CTNNA2: variants seen among roughly 807,000 people sequenced by gnomAD.
CTNNA2 encodes catenin alpha-2.
Under a neutral mutation model 101.0 loss-of-function variants are expected in CTNNA2, and 42 were observed. The observed-to-expected ratio is 0.42, with a 90% CI of 0.32 to 0.54. The LOEUF (loss-of-function observed/expected upper bound fraction) is 0.54. CTNNA2 is among the 20% of genes least tolerant of loss of function. The pLI is 0.14. For missense variants in CTNNA2, 871 were observed against 1,223.1 expected (o/e 0.71, Z 4.29); for synonymous variants, 450 against 456.4 (o/e 0.99, Z 0.18).
At chr2:79,244,624 C>G (rs141333329) in intron 2 of CTNNA2, among the ~76,000 whole-genome samples, 2 of 152,304 alleles carry the variant, frequency 1.3e-5, no homozygotes, top group East Asian at 3.9e-4. Context: ...AAACCCATCA[C>G]TTTTGATAGA....
intron 7 of CTNNA2, among the ~76,000 whole-genome samples, chr2:80,134,465 CA>C (rs1201025360): frequency 6.6e-6 from 1 of 152,104 alleles, no homozygotes; most frequent in Non-Finnish European, 1.5e-5. Context: ...GTAAACCTTC[CA>C]GGGGGGTTTG....
At chr2:79,255,958 C>A (rs1573001305) in intron 2 of CTNNA2, among the ~76,000 whole-genome samples, 1 of 152,116 alleles carries the variant, frequency 6.6e-6, no homozygotes, top group African/African-American at 2.4e-5. Context: ...GGAGACAAGC[C>A]ACTAAGCCTG....
At chr2:79,330,672 G>C (rs114754527) in intron 3 of CTNNA2, among the ~76,000 whole-genome samples, 1,755 of 152,266 alleles carry the variant, frequency 0.012, 34 homozygotes, top group African/African-American at 0.039. Flanking sequence ...TTCCTGTGCT[G>C]TTCGCATGAT....
chr2:80,642,469 T>C (rs1014024074), intron 18 of CTNNA2, among the ~76,000 whole-genome samples: 2 of 152,188 alleles, frequency 1.3e-5, no homozygotes, highest in South Asian at 2.1e-4. Context: ...AGCACAGTAG[T>C]TGGCAGAAAG....
intron 4 of CTNNA2, among the ~76,000 whole-genome samples, chr2:79,860,975 A>G (rs973176448): frequency 6.6e-5 from 10 of 152,226 alleles, no homozygotes; most frequent in African/African-American, 2.4e-4. Context: ...AGGATGAAGA[A>G]CATGTCAAAT....
At chr2:80,379,782 C>G (rs1344627633) in intron 7 of CTNNA2, among the ~76,000 whole-genome samples, 2 of 152,048 alleles carry the variant, frequency 1.3e-5, no homozygotes, top group Non-Finnish European at 2.9e-5. Flanking sequence ...ATTTCCATGC[C>G]CTACCCTAGA....
intron 4 of CTNNA2, among the ~76,000 whole-genome samples, chr2:79,486,786 A>G (rs576119894): frequency 4.6e-5 from 7 of 152,300 alleles, no homozygotes; most frequent in Non-Finnish European, 8.8e-5. Flanking sequence ...GTGAGATGGT[A>G]TCTCATTGTG....
At chr2:80,393,885 G>T (rs1281546207) in intron 8 of CTNNA2, among the ~76,000 whole-genome samples, 1 of 152,140 alleles carries the variant, frequency 6.6e-6, no homozygotes, top group Non-Finnish European at 1.5e-5. Context: ...TTTTCTCCTT[G>T]AAAGTGTTGT....
intron 9 of CTNNA2, among the ~76,000 whole-genome samples, chr2:80,539,862 T>C (rs1160575587): frequency 6.6e-6 from 1 of 152,240 alleles, no homozygotes; most frequent in African/African-American, 2.4e-5. Flanking sequence ...ATTTAATACT[T>C]AATGAAATGC....
intron 2 of CTNNA2, among the ~76,000 whole-genome samples, chr2:79,677,483 A>G (rs1448800052): frequency 6.6e-6 from 1 of 152,170 alleles, no homozygotes; most frequent in East Asian, 1.9e-4. Context: ...AATAGGTAAA[A>G]TGTGGAGTCG....
At chr2:80,177,769 A>G (rs929985809) in intron 7 of CTNNA2, among the ~76,000 whole-genome samples, 1 of 152,188 alleles carries the variant, frequency 6.6e-6, no homozygotes, top group Non-Finnish European at 1.5e-5. Context: ...CTCTTCCCCA[A>G]ATTTCTTTGT....
intron 5 of CTNNA2, among the ~76,000 whole-genome samples, 169 bp from the exon 6 acceptor site, chr2:79,873,907 A>G (rs900125542): frequency 6.6e-6 from 1 of 152,188 alleles, no homozygotes; most frequent in Non-Finnish European, 1.5e-5. Context: ...CTGTCTCTAT[A>G]AAACAGACAA....
intron 7 of CTNNA2, among the ~76,000 whole-genome samples, chr2:80,022,595 C>A (rs1694643047): frequency 6.6e-6 from 1 of 151,862 alleles, no homozygotes; most frequent in African/African-American, 2.4e-5. Flanking sequence ...GAGACCTTAT[C>A]TTTACAAAAA....
chr2:80,131,954 GC>G (rs1281349675), intron 7 of CTNNA2, among the ~76,000 whole-genome samples: 1 of 152,020 alleles, frequency 6.6e-6, no homozygotes, highest in Non-Finnish European at 1.5e-5. Flanking sequence ...GGTGGCAGGC[GC>G]CTGTAATCCT....
chr2:79,737,458 T>C (rs2104952740), intron 2 of CTNNA2, among the ~76,000 whole-genome samples: 1 of 152,268 alleles, frequency 6.6e-6, no homozygotes, highest in East Asian at 1.9e-4. Flanking sequence ...CAAATCTTAA[T>C]TGTATGCAAC....
At chr2:80,173,604 T>C (rs1010090811) in intron 7 of CTNNA2, among the ~76,000 whole-genome samples, 1 of 152,204 alleles carries the variant, frequency 6.6e-6, no homozygotes, top group Non-Finnish European at 1.5e-5. Context: ...GGAGAAGGTA[T>C]AGTTTCCTCG....
intron 2 of CTNNA2, among the ~76,000 whole-genome samples, chr2:79,725,676 T>C (rs1295400860): frequency 6.6e-6 from 1 of 152,218 alleles, no homozygotes; most frequent in Non-Finnish European, 1.5e-5. Context: ...TGTCCTCTTT[T>C]TCCATCCTTC....
intron 3 of CTNNA2, among the ~76,000 whole-genome samples, chr2:79,373,442 A>C (rs572444110): frequency 9.8e-5 from 15 of 152,356 alleles, no homozygotes; most frequent in African/African-American, 3.6e-4. Context: ...GCAGAAGAAA[A>C]ATATGCCCTT....
chr2:80,306,911 G>C (rs1677081703), intron 7 of CTNNA2, among the ~76,000 whole-genome samples: 2 of 152,092 alleles, frequency 1.3e-5, no homozygotes, highest in African/African-American at 2.4e-5. Context: ...CTGGTGCAGA[G>C]AGGCAGAAGA....
Sources: gnomAD v4.1 joint callset for allele counts (sites outside exome capture counted in the v4.1 genomes callset) on GRCh38, gnomAD v4.1.1 for gene constraint, MANE v1.5 for transcripts, NCBI Gene and HGNC (gene_info 2026-07-23, HGNC 2026-07-21) for gene names.